MYO1D: variants seen among roughly 807,000 people sequenced by gnomAD.
The protein encoded by MYO1D is unconventional myosin-Id.
A neutral mutation model predicts 122.0 loss-of-function variants in MYO1D; 83 were observed. That is an observed-to-expected ratio of 0.68 (90% CI 0.57 to 0.82). MYO1D has a LOEUF of 0.82. Among genes scored for constraint, MYO1D ranks in the 40% least tolerant of loss-of-function variants. The pLI is 0.00. For missense variants in MYO1D, 1,157 were observed against 1,269.5 expected (o/e 0.91, Z 1.35); for synonymous variants, 464 against 446.9 (o/e 1.04, Z -0.48).
chr17:32,724,633 G>A (rs1304174520), intron 14 of MYO1D, among the ~76,000 whole-genome samples: 2 of 152,130 alleles, frequency 1.3e-5, no homozygotes, highest in Admixed American at 6.5e-5. Flanking sequence ...AGCTTCATGG[G>A]CCTAGTGGGA....
At chr17:32,789,885 T>C (rs982503288) in intron 1 of MYO1D, among the ~76,000 whole-genome samples, 1 of 152,222 alleles carries the variant, frequency 6.6e-6, no homozygotes, top group Admixed American at 6.5e-5. Flanking sequence ...TTTGGACTTC[T>C]AGTTTTCTGA....
chr17:32,864,548 GAA>G (rs200717040), intron 1 of MYO1D, among the ~76,000 whole-genome samples: 2 of 73,028 alleles, frequency 2.7e-5, no homozygotes, highest in East Asian at 3.4e-4. Context: ...TTCTACGAAT[GAA>G]AAAAAAAAAA....
chr17:32,698,896 T>C (rs2089208799), intron 16 of MYO1D, among the ~76,000 whole-genome samples: 3 of 152,154 alleles, frequency 2.0e-5, no homozygotes, highest in Admixed American at 1.3e-4. Context: ...AACATATAAA[T>C]AATATGAAAT....
intron 20 of MYO1D, among the ~76,000 whole-genome samples, chr17:32,613,042 A>T (rs1206136099): frequency 6.6e-6 from 1 of 152,204 alleles, no homozygotes; most frequent in East Asian, 1.9e-4. Flanking sequence ...TGCTGGGATT[A>T]CAGGTGTAAG....
chr17:32,544,278 A>AT (rs1222949058), intron 21 of MYO1D, among the ~76,000 whole-genome samples: 65 of 148,278 alleles, frequency 4.4e-4, no homozygotes, highest in African/African-American at 1.6e-3. Flanking sequence ...AAAAAAAAAA[A>AT]TTTGTAGAGA....
intron 16 of MYO1D, among the ~76,000 whole-genome samples, chr17:32,702,530 C>T (rs78418651): frequency 0.14 from 21,775 of 151,882 alleles, 2,006 homozygotes; most frequent in Middle Eastern, 0.29. Context: ...TTCTCTTTCA[C>T]GTCTTTCCAC....
chr17:32,577,810 C>A (rs1018647600), intron 21 of MYO1D, among the ~76,000 whole-genome samples: 1 of 151,842 alleles, frequency 6.6e-6, no homozygotes, highest in African/African-American at 2.4e-5. Context: ...ACGATCTCGG[C>A]TCACTGCAAG....
chr17:32,760,736 C>T, intron 8 of MYO1D, 109 bp from the exon 9 acceptor site: 1 of 1,120,124 alleles, frequency 8.9e-7, no homozygotes, highest in Non-Finnish European at 1.3e-6. Flanking sequence ...TTTAGCATAG[C>T]CATTACTGGC....
At chr17:32,610,242 G>C (rs1199943049) in intron 20 of MYO1D, among the ~76,000 whole-genome samples, 1 of 152,198 alleles carries the variant, frequency 6.6e-6, no homozygotes, top group African/African-American at 2.4e-5. Flanking sequence ...CCCTCTCAGC[G>C]GGTGGGCTTC....
chr17:32,803,143 C>G (rs886594049), intron 1 of MYO1D, among the ~76,000 whole-genome samples: 36 of 151,916 alleles, frequency 2.4e-4, no homozygotes, highest in African/African-American at 8.5e-4. Context: ...CCAGAACTTC[C>G]AATTTTTCTT....
At chr17:32,790,068 C>T (rs1031778867) in intron 1 of MYO1D, among the ~76,000 whole-genome samples, 2 of 152,102 alleles carry the variant, frequency 1.3e-5, no homozygotes, top group African/African-American at 2.4e-5. Context: ...GCTTCTTCAC[C>T]TATATAGAGC....
At chr17:32,633,511 C>T (rs532454007) in intron 20 of MYO1D, among the ~76,000 whole-genome samples, 40 of 152,090 alleles carry the variant, frequency 2.6e-4, no homozygotes, top group African/African-American at 9.7e-4. Flanking sequence ...CCTCTTACCC[C>T]CTTCATAGAT....
intron 16 of MYO1D, among the ~76,000 whole-genome samples, chr17:32,665,597 C>T (rs1406839839): frequency 6.6e-6 from 1 of 152,222 alleles, no homozygotes; most frequent in Non-Finnish European, 1.5e-5. Context: ...CTCATCCCAC[C>T]TCTGAGTATA....
chr17:32,743,802 T>C (rs1353061720), intron 13 of MYO1D, among the ~76,000 whole-genome samples: 2 of 151,944 alleles, frequency 1.3e-5, no homozygotes, highest in Non-Finnish European at 2.9e-5. Flanking sequence ...ATATTTTTAG[T>C]AGAGACGGGG....
At chr17:32,687,517 A>AT (rs931273674) in intron 16 of MYO1D, among the ~76,000 whole-genome samples, 2 of 151,468 alleles carry the variant, frequency 1.3e-5, no homozygotes, top group Non-Finnish European at 2.9e-5. Flanking sequence ...AATTTTTAAA[A>AT]TTTTTTGTAG....
intron 1 of MYO1D, among the ~76,000 whole-genome samples, chr17:32,841,429 T>C (rs1242204451): frequency 1.3e-5 from 2 of 151,532 alleles, no homozygotes; most frequent in African/African-American, 4.9e-5. Flanking sequence ...GTTGTGCCAC[T>C]GCACTCCAGT....
Position 32,755,568 on chromosome 17 carries a change from C to T in MYO1D, c.1391G>A (p.Gly464Asp). ...AILDDACMNV[G>D]KVTDEMFLEA... ...AAGAAACATTTCATCGGTGACTTTGCCGACATTCATGCAAGCATCATCAAG... is the reference window on the plus strand; with the variant it reads ...AAGAAACATTTCATCGGTGACTTTGTCGACATTCATGCAAGCATCATCAAG... The change falls in exon 11 of 22, where the codon GGC becomes GAC. Residue 464 changes from glycine to aspartate, a missense_variant. By Grantham distance (94) the Gly-to-Asp change is moderately conservative. Coordinates refer to ENST00000318217, the MANE Select transcript of MYO1D (RefSeq NM_015194.3). The T allele has an allele frequency of 1.2e-6, 2 of 1,613,914 alleles. No homozygotes were observed. Among genetic ancestry groups the T allele is most frequent in the Non-Finnish European group, 1.7e-6 (2 of 1,179,882 alleles).
intron 14 of MYO1D, 21 bp downstream of exon 14, chr17:32,738,232 T>C: frequency 6.4e-7 from 1 of 1,558,830 alleles, no homozygotes; most frequent in South Asian, 1.2e-5. Context: ...AAAATGGATA[T>C]TTAGAAAAGA....
rs2089724769 is a variant in MYO1D, at chr17:32,737,886, T to G, written c.1746+367A>C. 2.6e-5 allele frequency among the ~76,000 whole-genome samples: 4 copies of G among 152,372 alleles called. No homozygotes were observed. The South Asian group carries it at 8.3e-4, about 32-fold the overall frequency. On this transcript the variant is annotated intron_variant, in intron 14 of 21. Coordinates refer to ENST00000318217, the MANE Select transcript of MYO1D (RefSeq NM_015194.3). ...AACACAATATATAAATGGTACATTT[T>G]ACAACTTAATTCAAGACTTTACTTA...
Sources: gnomAD v4.1 joint callset for allele counts (sites outside exome capture counted in the v4.1 genomes callset) on GRCh38, gnomAD v4.1.1 for gene constraint, MANE v1.5 for transcripts, NCBI Gene and HGNC (gene_info 2026-07-23, HGNC 2026-07-21) for gene names.